The following SLC9A3 variants were observed in gnomAD, a reference collection of about 807,000 sequenced individuals.
The protein encoded by SLC9A3 is sodium/hydrogen exchanger 3.
A neutral mutation model predicts 86.8 loss-of-function variants in SLC9A3; 37 were observed. The ratio of observed to expected loss-of-function variants is 0.43; its 90% CI spans 0.33 to 0.56. The LOEUF (loss-of-function observed/expected upper bound fraction) is 0.56. SLC9A3 is among the 20% of genes least tolerant of loss of function. SLC9A3 has a pLI of 0.06. For missense variants in SLC9A3, 1,011 were observed against 1,171.9 expected (o/e 0.86, Z 2.00); for synonymous variants, 581 against 528.3 (o/e 1.10, Z -1.37).
At chr5:481,686 A>G (rs781489887) in intron 8 of SLC9A3, 51 bp from the exon 9 acceptor site, 2 of 1,461,192 alleles carry the variant, frequency 1.4e-6, no homozygotes, top group Non-Finnish European at 1.9e-6. Context: ...ACCGGGGAAC[A>G]TGAGGTGCCC....
At chr5:508,807 G>T (rs1210809178) in intron 1 of SLC9A3, among the ~76,000 whole-genome samples, 1 of 152,216 alleles carries the variant, frequency 6.6e-6, no homozygotes, top group Non-Finnish European at 1.5e-5. Flanking sequence ...ATTGAAAGAG[G>T]AGGTTAAGAA....
At chr5:514,583 A>T (rs1438317117) in intron 1 of SLC9A3, among the ~76,000 whole-genome samples, 2 of 152,162 alleles carry the variant, frequency 1.3e-5, no homozygotes, top group African/African-American at 4.8e-5. Context: ...GGGCCCCATG[A>T]GGGCCGGGTT....
At position 518,373 on chromosome 5, in the gene SLC9A3, C is replaced by T. The variant is rs578128996; in HGVS notation, c.211+5739G>A. Among the ~76,000 whole-genome samples the T allele has an allele frequency of 3.4e-3, 522 of 151,702 alleles. 4 individuals carry two copies. Among genetic ancestry groups the T allele is most frequent in the African/African-American group, 0.012 (499 of 41,268 alleles). On this transcript the variant is annotated intron_variant, in intron 1 of 16. Coordinates refer to ENST00000264938, the MANE Select transcript of SLC9A3 (RefSeq NM_004174.4). The stretch of plus-strand genomic sequence containing the variant: ...TCTAGCACCCTGAGATATGGCACTT[C>T]GCGACCGGGCACCCTGAGGCCTGGC...
intron 1 of SLC9A3, among the ~76,000 whole-genome samples, chr5:498,241 G>A (rs758400515): frequency 7.9e-5 from 12 of 151,944 alleles, no homozygotes; most frequent in Admixed American, 1.3e-4. Context: ...GAACGCCCCC[G>A]TTCCACTTCC....
At position 471,886 on chromosome 5, in the gene SLC9A3, A is replaced by G. The variant is rs557368838; in HGVS notation, c.*1493T>C. 3.2e-4 allele frequency: 147 copies of G among 456,230 alleles called. No homozygotes were observed. Among genetic ancestry groups the G allele is most frequent in the African/African-American group, 2.5e-3 (126 of 50,168 alleles). The allele number at this position is 456,230 out of a possible 1,614,324, so 28.3% of individuals were successfully genotyped here. On this transcript the variant is annotated 3_prime_UTR_variant, in exon 17 of 17. Transcript: ENST00000264938. Reference sequence around the variant, plus strand: ...GTGGACTTTTCCCACCAGGGACTCAATGGGGACTCAATGTGCAATATTCAG... The same window carrying G: ...GTGGACTTTTCCCACCAGGGACTCAGTGGGGACTCAATGTGCAATATTCAG...
chr5:489,237 C>G (rs1579790174), intron 2 of SLC9A3, among the ~76,000 whole-genome samples: 1 of 152,170 alleles, frequency 6.6e-6, no homozygotes, highest in African/African-American at 2.4e-5. Flanking sequence ...TCAGAGGACA[C>G]TGGGCCTCCT....
chr5:473,406 G>C (rs1738511670), intron 16 of SLC9A3, 24 bp from the exon 17 acceptor site: 1 of 1,390,826 alleles, frequency 7.2e-7, no homozygotes, highest in African/African-American at 1.5e-5. Context: ...AGGCGTGAGC[G>C]GCGCGCGGAG....
intron 16 of SLC9A3, among the ~76,000 whole-genome samples, chr5:473,606 C>G (rs1738525259): frequency 6.6e-6 from 1 of 152,158 alleles, no homozygotes; most frequent in South Asian, 2.1e-4. Context: ...CCACGTCCCC[C>G]CGCCGGGGGT....
intron 6 of SLC9A3, 41 bp from the exon 7 acceptor site, chr5:482,791 T>G: frequency 3.3e-6 from 5 of 1,512,716 alleles, no homozygotes; most frequent in Non-Finnish European, 4.5e-6. Context: ...CCGGCCGCCC[T>G]CCCAGCCGCG....
chr5:506,180 G>A (rs79898287), intron 1 of SLC9A3, among the ~76,000 whole-genome samples: 2,001 of 152,248 alleles, frequency 0.013, 23 homozygotes, highest in South Asian at 0.022. Flanking sequence ...TCCTGCCCGC[G>A]AAGCCAGGAC....
At chr5:490,869 A>G (rs536600890) in intron 2 of SLC9A3, among the ~76,000 whole-genome samples, 20 of 152,142 alleles carry the variant, frequency 1.3e-4, no homozygotes, top group Non-Finnish European at 2.8e-4. Flanking sequence ...GCTGGACGGC[A>G]GGGACTACAG....
chr5:510,345 C>T (rs1353660564), intron 1 of SLC9A3, among the ~76,000 whole-genome samples: 1 of 152,208 alleles, frequency 6.6e-6, no homozygotes, highest in African/African-American at 2.4e-5. Context: ...GTGGGACACA[C>T]CCTCGAGAGC....
At chr5:480,139 G>A (rs1053511616) in intron 9 of SLC9A3, 174 bp from the exon 10 acceptor site, 6 of 641,356 alleles carry the variant, frequency 9.4e-6, no homozygotes, top group Admixed American at 6.0e-5. Context: ...CCGTTCTCCC[G>A]CCTGTCCTGT....
At position 481,629 on chromosome 5, in the gene SLC9A3, C is replaced by T. The variant is rs763448205; in HGVS notation, c.1453G>A (p.Asp485Asn). The T allele has an allele frequency of 7.4e-6, 12 of 1,613,772 alleles. No individual in the cohort carries two copies. The highest frequency in any genetic ancestry group is 2.2e-5 in the South Asian group (2 of 91,080). The change falls in exon 9 of 17, where the codon GAC becomes AAC. Residue 485 changes from aspartate to asparagine, a missense_variant. This residue lies in a region of SLC9A3 where 565 missense variants were observed against 790.0 expected (regional missense o/e 0.72). Transcript: ENST00000264938. The stretch of plus-strand genomic sequence containing the variant: ...TCCTCGATGGCCGAGAGGATGTGGT[C>T]GAAAGCCTTTCAAGGGAAGAAAGAC... ...LNEKLHGRAFDHILSAIEDIS... is the reference protein window; with the variant it reads ...LNEKLHGRAFNHILSAIEDIS...
chr5:479,858 T>C lies in SLC9A3; in HGVS notation c.1625A>G (p.Asp542Gly). The change falls in exon 10 of 17, where the codon GAT (aspartate) becomes GGT (glycine). Residue 542 changes from aspartate to glycine, a missense_variant. Asp to Gly is a moderately conservative substitution (Grantham distance 94). This residue lies in a region of SLC9A3 where 565 missense variants were observed against 790.0 expected (regional missense o/e 0.72). Transcript: ENST00000264938. ...LNVFHELNLK[D>G]AISYVAEGER... is the part of the protein sequence containing the mutation. ...TACCTCAGCCACGTAGCTGATGGCA[T>C]CCTTCAGGTTCAGCTCGTGGAAGAC... 6.2e-7 allele frequency: 1 copy of C among 1,613,740 alleles called. No individual in the cohort carries two copies. The highest frequency in any genetic ancestry group is 8.5e-7 in the Non-Finnish European group (1 of 1,179,972).
intron 10 of SLC9A3, chr5:477,823 T>C (rs545966962): frequency 4.5e-4 from 84 of 184,890 alleles, no homozygotes; most frequent in African/African-American, 1.8e-3. Flanking sequence ...TAAAACTCCA[T>C]TGGCCTCATG....
At position 497,518 on chromosome 5, in the gene SLC9A3, C is replaced by T. The variant is rs180894547; in HGVS notation, c.212-5447G>A. On this transcript the variant is annotated intron_variant, in intron 1 of 16. Transcript: ENST00000264938. This position sits in a 1 kb window ranked among gnomAD's most constrained non-coding sequence, Gnocchi z 5.4. ...GCTTAGTTCACCTGTCGGAGCCACT[C>T]GTTCACGTTTATCTCTGTCTGGTTG... 1.3e-3 allele frequency among the ~76,000 whole-genome samples: 197 copies of T among 152,324 alleles called. 1 individual carries two copies. The highest frequency in any genetic ancestry group is 2.2e-4 in the Non-Finnish European group (15 of 68,032).
In SLC9A3 at chr5:476,687, G is replaced by A; in HGVS notation, c.1761-15C>T. On this transcript the variant is annotated splice_polypyrimidine_tract_variant and intron_variant, in intron 11 of 16. Coordinates refer to ENST00000264938, the MANE Select transcript of SLC9A3 (RefSeq NM_004174.4). ...CATTTTCTCTCCTGCGTGGGGACCA[G>A]CGCTGAGCCATACAGGCTCCCTCAG... 1 of 1,600,810 alleles carries A rather than the reference G, an allele frequency of 6.2e-7. No individual in the cohort carries two copies. Among genetic ancestry groups the A allele is most frequent in the South Asian group, 1.1e-5 (1 of 91,072 alleles).
In SLC9A3 at chr5:474,997, C is replaced by T; in HGVS notation, c.2387G>A (p.Gly796Asp). Reference sequence around the variant, plus strand: ...GAAGGGCATCAGGCGGCAGAAGGTGCCGGGAGAGTAGGGAATCTGCGTGCG... The same window carrying T: ...GAAGGGCATCAGGCGGCAGAAGGTGTCGGGAGAGTAGGGAATCTGCGTGCG... ...RARTQIPYSP[G>D]TFCRLMPFRL... is the part of the protein sequence containing the mutation. Residue 796 changes from glycine to aspartate, a missense_variant, in exon 16 of 17, where the codon GGC (glycine) becomes GAC (aspartate). Gly to Asp is a moderately conservative substitution (Grantham distance 94). Around this residue, in one of 3 missense-constraint regions of SLC9A3, gnomAD observed 397 missense variants for 346.3 expected, o/e 1.15. Coordinates refer to ENST00000264938, the MANE Select transcript of SLC9A3 (RefSeq NM_004174.4). 1 of 1,612,096 alleles carries T rather than the reference C, an allele frequency of 6.2e-7. No individual in the cohort carries two copies. The highest frequency in any genetic ancestry group is 8.5e-7 in the Non-Finnish European group (1 of 1,179,706).
Sources: gnomAD v4.1 joint callset for allele counts (sites outside exome capture counted in the v4.1 genomes callset) on GRCh38, gnomAD v4.1.1 for gene constraint, gnomAD v4.1.1 regional missense constraint, Gnocchi (gnomAD v3.1) non-coding constraint, MANE v1.5 for transcripts, NCBI Gene and HGNC (gene_info 2026-07-23, HGNC 2026-07-21) for gene names.